The following MSL2 variants were observed in gnomAD, a reference collection of about 807,000 sequenced individuals.
MSL2 encodes the protein MSL complex subunit 2.
MSL2 carries 2 observed loss-of-function variants against 35.8 expected under a neutral mutation model. The ratio of observed to expected loss-of-function variants is 0.06; its 90% CI spans 0.02 to 0.18. The LOEUF (loss-of-function observed/expected upper bound fraction) is 0.18. MSL2 is among the 10% of genes least tolerant of loss of function. The pLI is 1.00. For missense variants in MSL2, 523 were observed against 706.7 expected, an observed-to-expected ratio of 0.74 and a Z score of 2.95; for synonymous variants, 296 against 255.7, an observed-to-expected ratio of 1.16 and a Z score of -1.50.
chr3:136,159,218 G>A (rs1209701454), intron 1 of MSL2, among the ~76,000 whole-genome samples: 1 of 152,140 alleles, frequency 6.6e-6, no homozygotes, highest in Non-Finnish European at 1.5e-5. Flanking sequence ...TCAAGACAGT[G>A]TGGTAATGAC....
At position 136,195,783 on chromosome 3, in the gene MSL2, T is replaced by C. The variant is rs1382307868; in HGVS notation, c.-670A>G. On this transcript the variant is annotated 5_prime_UTR_variant, in exon 1 of 2. Transcript: ENST00000309993. Reference sequence around the variant, plus strand: ...CCGCCCCGTGGGTTGCAGCCCGCAGTTCCCCGAGGTGGCGAGGCGGGCGGG... The same window carrying C: ...CCGCCCCGTGGGTTGCAGCCCGCAGCTCCCCGAGGTGGCGAGGCGGGCGGG... 1.0e-6 allele frequency: 1 copy of C among 984,416 alleles called. No homozygotes were observed. The highest frequency in any genetic ancestry group is 1.2e-6 in the Non-Finnish European group (1 of 829,672). The allele number at this position is 984,416 out of a possible 1,614,324, so 61.0% of individuals were successfully genotyped here.
rs1373400677 is a variant in MSL2 at position 136,150,354 on chromosome 3, ATC to A, written c.*791_*792del. 3.3e-5 allele frequency: 5 copies of A among 152,470 alleles called. No homozygotes were observed. The highest frequency in any genetic ancestry group is 1.3e-4 in the Admixed American group (2 of 15,280). 9.4% of individuals were successfully genotyped at this position (152,470 alleles called of 1,614,324 possible). ...AAGTAAATCCCAATTACTAAATAAA[ATC>A]TTTTTATAATTTTAAAAAAATTCTG... On this transcript the variant is annotated 3_prime_UTR_variant, in exon 2 of 2. Coordinates refer to ENST00000309993, the MANE Select transcript of MSL2 (RefSeq NM_018133.4).
At chr3:136,165,246 ACCTTATCTG>A in intron 1 of MSL2, among the ~76,000 whole-genome samples, 1 of 152,000 alleles carries the variant, frequency 6.6e-6, no homozygotes, top group East Asian at 1.9e-4. Context: ...CTGCCTTGAA[ACCTTATCTG>A]CAATATTTCA....
chr3:136,168,775 AAAGTTTTT>A (rs1308729748), intron 1 of MSL2, among the ~76,000 whole-genome samples: 1 of 152,032 alleles, frequency 6.6e-6, no homozygotes, highest in Non-Finnish European at 1.5e-5. Context: ...AAAACTCACC[AAAGTTTTT>A]AAATATTAAG....
At position 136,196,176 on chromosome 3, in the gene MSL2, G is replaced by A. The variant is rs1345607531; in HGVS notation, c.-1063C>T. On this transcript the variant is annotated 5_prime_UTR_variant, in exon 1 of 2. Transcript: ENST00000309993. ...CCGACTCCACGCGCCACTCCAGCTC[G>A]GTAGGGCCCGGGCTGCTGCGGCCTT... is the stretch of plus-strand genomic sequence containing the variant. 1 of 152,030 alleles carries A rather than the reference G, an allele frequency of 6.6e-6. No individual in the cohort carries two copies. Among genetic ancestry groups the A allele is most frequent in the African/African-American group, 2.4e-5 (1 of 41,136 alleles). 9.4% of individuals were successfully genotyped at this position (152,030 alleles called of 1,614,324 possible). A position where few individuals can be genotyped will look rare whatever the true frequency, so the allele number is the denominator to read the frequency against.
At chr3:136,182,558 T>C (rs1288186678) in intron 1 of MSL2, among the ~76,000 whole-genome samples, 3 of 149,980 alleles carry the variant, frequency 2.0e-5, no homozygotes, top group African/African-American at 7.4e-5. Context: ...TTGAGGGGGG[T>C]GGGGGAGAAA....
chr3:136,193,449 C>T (rs1396503603), intron 1 of MSL2, among the ~76,000 whole-genome samples: 1 of 151,944 alleles, frequency 6.6e-6, no homozygotes, highest in Non-Finnish European at 1.5e-5. Context: ...TGGGCCCTTC[C>T]TCTTCCCCCT....
chr3:136,184,091 A>G (rs550806748), intron 1 of MSL2, among the ~76,000 whole-genome samples: 3 of 151,308 alleles, frequency 2.0e-5, no homozygotes, highest in East Asian at 2.1e-4. Flanking sequence ...GTCAGGAGAT[A>G]GAGACCATCC....
chr3:136,174,798 T>C (rs985718760), intron 1 of MSL2, among the ~76,000 whole-genome samples: 1 of 152,202 alleles, frequency 6.6e-6, no homozygotes, highest in Non-Finnish European at 1.5e-5. Flanking sequence ...TCGGCCTATA[T>C]ACCAGTCTAA....
At chr3:136,175,410 G>A (rs1423789135) in intron 1 of MSL2, among the ~76,000 whole-genome samples, 1 of 151,980 alleles carries the variant, frequency 6.6e-6, no homozygotes, top group Non-Finnish European at 1.5e-5. Context: ...GATAGGCCAG[G>A]TGCAGTGGCT....
At chr3:136,178,730 T>G (rs996838388) in intron 1 of MSL2, among the ~76,000 whole-genome samples, 27 of 112,452 alleles carry the variant, frequency 2.4e-4, no homozygotes, top group Admixed American at 4.1e-4. Flanking sequence ...AGACGGGGTT[T>G]CACCATGTTG....
chr3:136,151,417 T>C lies in MSL2; in HGVS notation c.1464A>G (p.Lys488=). 1 of 1,614,166 alleles carries C rather than the reference T, an allele frequency of 6.2e-7. No individual in the cohort carries two copies. Among genetic ancestry groups the C allele is most frequent in the Non-Finnish European group, 8.5e-7 (1 of 1,180,012 alleles). ...GQRCPCYSNR[K]ACLDCICRGC... Reference sequence around the variant, plus strand: ...CACGACATATACAATCTAAGCAGGCTTTGCGGTTAGAGTAGCAAGGGCAGC... The same window carrying C: ...CACGACATATACAATCTAAGCAGGCCTTGCGGTTAGAGTAGCAAGGGCAGC... The change falls in exon 2 of 2, where the codon AAA becomes AAG. Residue 488 remains lysine (K), a synonymous_variant. Coordinates refer to ENST00000309993, the MANE Select transcript of MSL2 (RefSeq NM_018133.4). This position sits in a 1 kb window ranked among gnomAD's most constrained non-coding sequence, Gnocchi z 5.2.
At chr3:136,189,825 C>A (rs1296978109) in intron 1 of MSL2, among the ~76,000 whole-genome samples, 1 of 151,842 alleles carries the variant, frequency 6.6e-6, no homozygotes, top group African/African-American at 2.4e-5. Context: ...TAACCTCTGA[C>A]CAAAGAGCTA....
intron 1 of MSL2, among the ~76,000 whole-genome samples, chr3:136,158,724 G>A (rs930890661): frequency 3.9e-5 from 6 of 152,042 alleles, no homozygotes; most frequent in African/African-American, 1.2e-4. Context: ...CTCAAAAAAC[G>A]CACACACGCA....
At chr3:136,166,301 T>C (rs998244199) in intron 1 of MSL2, among the ~76,000 whole-genome samples, 7 of 151,878 alleles carry the variant, frequency 4.6e-5, no homozygotes, top group Admixed American at 2.6e-4. Flanking sequence ...GGCAGGAGAA[T>C]TGTCTGAGCC....
At chr3:136,162,273 T>TA (rs559618888) in intron 1 of MSL2, among the ~76,000 whole-genome samples, 7,219 of 135,852 alleles carry the variant, frequency 0.053, 220 homozygotes, top group South Asian at 0.088. Context: ...ATAAGGTTTT[T>TA]AAAAAAAAAA....
chr3:136,170,022 G>A (rs1939976514), intron 1 of MSL2, among the ~76,000 whole-genome samples: 1 of 150,900 alleles, frequency 6.6e-6, no homozygotes, highest in African/African-American at 2.4e-5. Flanking sequence ...CTGCACTCCA[G>A]CCTGGGCGAC....
Position 136,151,883 on chromosome 3 carries a change from G to A in MSL2, c.998C>T (p.Pro333Leu), listed in dbSNP as rs1212629371. The change falls in exon 2 of 2, where the codon CCG becomes CTG. Residue 333 changes from proline to leucine, a missense_variant. Transcript: ENST00000309993. The surrounding 1 kb of genome is among the most constrained non-coding windows in gnomAD (Gnocchi z 5.2). Reference protein sequence around the residue: ...LHGLSCTAATPKIAKLNRKRS... With the variant: ...LHGLSCTAATLKIAKLNRKRS... The stretch of plus-strand genomic sequence containing the variant: ...TTTTCTATTCAATTTTGCTATCTTC[G>A]GAGTTGCTGCTGTACATGATAACCC... 4 of 1,614,060 alleles carry A rather than the reference G, an allele frequency of 2.5e-6. No individual in the cohort carries two copies. Among genetic ancestry groups the A allele is most frequent in the South Asian group, 1.1e-5 (1 of 91,070 alleles).
intron 1 of MSL2, among the ~76,000 whole-genome samples, chr3:136,180,796 G>GGGAGGGAA (rs1940327566): frequency 4.7e-5 from 2 of 42,812 alleles, no homozygotes; most frequent in African/African-American, 1.8e-4. Context: ...GAGGGAGGGA[G>GGGAGGGAA]GGAGGGAGGG....
Sources: allele counts gnomAD v4.1 joint callset (sites outside exome capture counted in the v4.1 genomes callset), GRCh38; gene constraint gnomAD v4.1.1; non-coding constraint Gnocchi (gnomAD v3.1); transcripts MANE v1.5; gene names NCBI Gene and HGNC (gene_info 2026-07-23, HGNC 2026-07-21).